STK32B: variants seen among roughly 807,000 people sequenced by gnomAD.
STK32B encodes serine/threonine-protein kinase 32B.
STK32B carries 43 observed loss-of-function variants against 52.6 expected under a neutral mutation model. That is an observed-to-expected ratio of 0.82 (90% CI 0.64 to 1.05). The LOEUF is 1.05. STK32B is among the 50% of genes least tolerant of loss of function. The pLI is 0.00. For synonymous variants in STK32B, 238 were observed against 204.3 expected, an observed-to-expected ratio of 1.17 and a Z score of -1.41; for missense variants, 621 against 534.6, an observed-to-expected ratio of 1.16 and a Z score of -1.59.
chr4:5,238,649 A>G (rs1336036009), intron 3 of STK32B, among the ~76,000 whole-genome samples: 1 of 152,228 alleles, frequency 6.6e-6, no homozygotes, highest in Admixed American at 6.5e-5. Context: ...TAAATTCTGG[A>G]TTCAAATCTG....
intron 3 of STK32B, among the ~76,000 whole-genome samples, chr4:5,300,360 A>G (rs1729477950): frequency 1.3e-5 from 2 of 152,244 alleles, no homozygotes; most frequent in South Asian, 2.1e-4. Context: ...CATGCCTCCT[A>G]TGAACTGGAA....
rs138443122 is a variant in STK32B at position 5,428,391 on chromosome 4, A to G, written c.562+11457A>G. ...CCACTGCACTCTAGCCTGGGCAACA[A>G]AGTGAGACTCTGTCTAAAAAAAACA... is the stretch of plus-strand genomic sequence containing the variant. On this transcript the variant is annotated intron_variant, in intron 6 of 11. Transcript: ENST00000282908. Among the ~76,000 whole-genome samples, 562 of 152,170 alleles carry G rather than the reference A, an allele frequency of 3.7e-3. 2 individuals are homozygous for G. Among genetic ancestry groups the G allele is most frequent in the African/African-American group, 0.013 (526 of 41,506 alleles).
chr4:5,371,433 A>T (rs1037800516), intron 4 of STK32B, among the ~76,000 whole-genome samples: 1 of 152,218 alleles, frequency 6.6e-6, no homozygotes, highest in Non-Finnish European at 1.5e-5. Context: ...AGCAAACCAA[A>T]GATGGGTCTC....
chr4:5,281,030 C>G (rs1728158933), intron 3 of STK32B, among the ~76,000 whole-genome samples: 1 of 152,082 alleles, frequency 6.6e-6, no homozygotes, highest in African/African-American at 2.4e-5. Flanking sequence ...GGGGATGCCT[C>G]AGGAAACTTA....
At chr4:5,340,189 A>G (rs1324882129) in intron 4 of STK32B, among the ~76,000 whole-genome samples, 1 of 152,192 alleles carries the variant, frequency 6.6e-6, no homozygotes, top group African/African-American at 2.4e-5. Context: ...ATGAGACTCA[A>G]CTTTCTGGGT....
At chr4:5,045,571 T>C in the STK32B span, among the ~76,000 whole-genome samples, 1 of 152,252 alleles carries the variant, frequency 6.6e-6, no homozygotes, top group Non-Finnish European at 1.5e-5. Flanking sequence ...CATTTGTTTG[T>C]ATCCTCTCTT....
chr4:5,224,695 AT>A (rs1265184774), intron 3 of STK32B, among the ~76,000 whole-genome samples: 1 of 152,178 alleles, frequency 6.6e-6, no homozygotes, highest in Non-Finnish European at 1.5e-5. Context: ...AATATCACTA[AT>A]GTTAATTAAT....
chr4:5,029,964 A>G, the STK32B span, among the ~76,000 whole-genome samples: 3 of 152,152 alleles, frequency 2.0e-5, no homozygotes, highest in Non-Finnish European at 4.4e-5. Context: ...TGATGGTTTT[A>G]TAAGGGGCTC....
intron 7 of STK32B, among the ~76,000 whole-genome samples, chr4:5,456,443 G>A (rs988676367): frequency 1.3e-5 from 2 of 152,248 alleles, no homozygotes; most frequent in African/African-American, 4.8e-5. Flanking sequence ...GGAGGTGTCC[G>A]TGGGTGCCTG....
chr4:5,293,954 T>G (rs1427791442), intron 3 of STK32B, among the ~76,000 whole-genome samples: 1 of 152,126 alleles, frequency 6.6e-6, no homozygotes, highest in Non-Finnish European at 1.5e-5. Flanking sequence ...CCATCTTGAG[T>G]TATTTTTCTA....
intron 1 of STK32B, among the ~76,000 whole-genome samples, chr4:5,108,798 A>G (rs1695162778): frequency 6.6e-6 from 1 of 152,326 alleles, no homozygotes; most frequent in African/African-American, 2.4e-5. Flanking sequence ...TGACTCCACA[A>G]AGTAGGCTCT....
intron 6 of STK32B, chr4:5,438,011 G>A: frequency 1.0e-6 from 1 of 985,508 alleles, no homozygotes; most frequent in Non-Finnish European, 1.2e-6. Context: ...TGACAGCCAG[G>A]ACAGGATCAC....
intron 6 of STK32B, among the ~76,000 whole-genome samples, chr4:5,429,532 C>A (rs1365203487): frequency 2.2e-5 from 3 of 139,062 alleles, no homozygotes; most frequent in Non-Finnish European, 4.6e-5. Flanking sequence ...TACCCAAATT[C>A]ATTCTATTCA....
intron 8 of STK32B, among the ~76,000 whole-genome samples, 169 bp from the exon 9 acceptor site, chr4:5,459,934 A>T (rs1716897321): frequency 6.6e-6 from 1 of 152,184 alleles, no homozygotes; most frequent in Admixed American, 6.5e-5. Flanking sequence ...GGCTATAAAG[A>T]GATGAGTGCA....
intron 3 of STK32B, among the ~76,000 whole-genome samples, chr4:5,241,836 T>C (rs1221388977): frequency 3.3e-5 from 5 of 152,162 alleles, no homozygotes; most frequent in African/African-American, 9.7e-5. Flanking sequence ...GTTTGGTTTT[T>C]TGTCCTCGCG....
chr4:5,433,444 A>C (rs1713763403), intron 6 of STK32B, among the ~76,000 whole-genome samples: 1 of 152,160 alleles, frequency 6.6e-6, no homozygotes, highest in African/African-American at 2.4e-5. Context: ...CCATCCTGCC[A>C]GCCAGGATGT....
chr4:5,180,039 G>A (rs533923200), intron 3 of STK32B, among the ~76,000 whole-genome samples: 6 of 152,306 alleles, frequency 3.9e-5, no homozygotes, highest in African/African-American at 1.2e-4. Context: ...AGGCAATGAG[G>A]GAAGGGGCTC....
intron 3 of STK32B, among the ~76,000 whole-genome samples, chr4:5,189,208 T>C (rs1253389508): frequency 6.6e-6 from 1 of 152,200 alleles, no homozygotes; most frequent in Non-Finnish European, 1.5e-5. Context: ...CTTGGTGTTA[T>C]ACATTCTGTA....
chr4:5,480,800 T>C (rs945514873), intron 11 of STK32B, among the ~76,000 whole-genome samples: 4 of 152,112 alleles, frequency 2.6e-5, no homozygotes, highest in Non-Finnish European at 5.9e-5. Context: ...TTCTCATTGT[T>C]CAATTCCCAC....
Sources: allele counts gnomAD v4.1 joint callset (sites outside exome capture counted in the v4.1 genomes callset), GRCh38; gene constraint gnomAD v4.1.1; transcripts MANE v1.5; gene names NCBI Gene and HGNC (gene_info 2026-07-23, HGNC 2026-07-21).